The following PLAC1 variants were observed in gnomAD, a reference collection of about 807,000 sequenced individuals.
PLAC1 encodes the protein placenta-specific protein 1.
For missense variants in PLAC1, 136 were observed against 163.2 expected (o/e 0.83, Z 0.91); for synonymous variants, 68 against 62.1 (o/e 1.09, Z -0.44).
chrX:134,581,602 C>A (rs1293238810), intron 2 of PLAC1, among the ~76,000 whole-genome samples: 1 of 107,533 alleles, frequency 9.3e-6, no homozygotes, highest in Admixed American at 1.0e-4. Flanking sequence ...CCTCAGCCCC[C>A]CGAGTAGCTG....
intron 1 of PLAC1, among the ~76,000 whole-genome samples, chrX:134,753,419 A>G (rs1005719718): frequency 9.0e-6 from 1 of 111,251 alleles, no homozygotes; most frequent in Non-Finnish European, 1.9e-5. Context: ...AGCTGGAATC[A>G]TCAGTTTTAA....
chrX:134,585,545 T>TA (rs768103901), intron 2 of PLAC1, among the ~76,000 whole-genome samples: 2 of 109,399 alleles, frequency 1.8e-5, no homozygotes, highest in Non-Finnish European at 3.8e-5. Flanking sequence ...TTGTTTAAGT[T>TA]AAAAAAAATA....
intron 1 of PLAC1, among the ~76,000 whole-genome samples, chrX:134,743,299 C>T (rs1040463582): frequency 1.8e-5 from 2 of 111,975 alleles, no homozygotes; most frequent in Admixed American, 9.4e-5. Context: ...TATGACATTC[C>T]GGCCAAATGT....
intron 1 of PLAC1, among the ~76,000 whole-genome samples, chrX:134,629,665 T>C (rs2078251153): frequency 8.9e-6 from 1 of 111,983 alleles, no homozygotes. Flanking sequence ...TACATGTGGT[T>C]GGGACATGAG....
chrX:134,753,235 T>A (rs1232432777), intron 1 of PLAC1, among the ~76,000 whole-genome samples: 8 of 111,384 alleles, frequency 7.2e-5, no homozygotes, highest in Non-Finnish European at 1.5e-4. Context: ...CAGATTTGTG[T>A]CGTGGCCCGA....
At chrX:134,637,465 A>C (rs1391097133) in intron 1 of PLAC1, among the ~76,000 whole-genome samples, 1 of 111,917 alleles carries the variant, frequency 8.9e-6, no homozygotes, top group Non-Finnish European at 1.9e-5. Flanking sequence ...CACTATCGTC[A>C]CCATAACTTG....
At chrX:134,597,598 A>G in intron 2 of PLAC1, among the ~76,000 whole-genome samples, 1 of 111,899 alleles carries the variant, frequency 8.9e-6, no homozygotes, top group South Asian at 3.7e-4. Flanking sequence ...GATCTTATTT[A>G]AACCTTAGGT....
chrX:134,640,191 A>T (rs2078301797), intron 1 of PLAC1, among the ~76,000 whole-genome samples: 1 of 112,175 alleles, frequency 8.9e-6, no homozygotes, highest in Non-Finnish European at 1.9e-5. Flanking sequence ...ACCTTCAAGG[A>T]TGAATAAACA....
chrX:134,730,593 C>T (rs371679342), intron 2 of PLAC1, among the ~76,000 whole-genome samples: 8 of 110,838 alleles, frequency 7.2e-5, no homozygotes, highest in Middle Eastern at 4.6e-3. Context: ...TATAGTTGTG[C>T]GCCACTATGC....
chrX:134,689,280 C>T (rs2078528558), intron 2 of PLAC1, among the ~76,000 whole-genome samples: 1 of 112,003 alleles, frequency 8.9e-6, no homozygotes, highest in Non-Finnish European at 1.9e-5. Flanking sequence ...ACAAGGGCTG[C>T]CTATTGTTTA....
Position 134,726,800 on chromosome X carries a change from C to T in PLAC1, n.174+6635G>A, listed in dbSNP as rs756814279. ...ATCACACCACTGCATTCCAGCCTTG[C>T]GACAGAGCAAGACTCTGTCTCAAAA... On this transcript the variant is annotated intron_variant and non_coding_transcript_variant, in intron 2 of 2. Transcript: ENST00000466797. Among the ~76,000 whole-genome samples, 11 of 78,168 alleles carry T rather than the reference C, an allele frequency of 1.4e-4. No individual in the cohort carries two copies. In the South Asian group the frequency reaches 8.2e-3, roughly 58 times the overall value. The allele number at this position is 78,168 out of a possible 115,157, so 67.9% of individuals were successfully genotyped here. A position where few individuals can be genotyped will look rare whatever the true frequency, so the allele number is the denominator to read the frequency against.
chrX:134,649,455 G>A (rs949178008), intron 1 of PLAC1, among the ~76,000 whole-genome samples: 16 of 110,241 alleles, frequency 1.5e-4, no homozygotes, highest in African/African-American at 4.6e-4. Flanking sequence ...ATGTCATGTC[G>A]GGAGCTTGAA....
chrX:134,639,671 A>G (rs758604614), intron 1 of PLAC1, among the ~76,000 whole-genome samples: 9 of 112,339 alleles, frequency 8.0e-5, no homozygotes, highest in Non-Finnish European at 1.9e-5. Context: ...CATCACCTCT[A>G]TCTAGTTCCA....
At chrX:134,673,997 C>G (rs1300815161) in intron 2 of PLAC1, among the ~76,000 whole-genome samples, 1 of 112,907 alleles carries the variant, frequency 8.9e-6, no homozygotes, top group African/African-American at 3.2e-5. Flanking sequence ...TTTCTAAAGC[C>G]TACCACCCTT....
At chrX:134,660,367 A>G (rs772903509), upstream of PLAC1, among the ~76,000 whole-genome samples, 14 of 112,091 alleles carry the variant, frequency 1.2e-4, no homozygotes, top group Admixed American at 1.9e-4. Flanking sequence ...CAGCCTCCCA[A>G]AGTGCTGGGA....
At chrX:134,740,178 G>A (rs528439154) in intron 1 of PLAC1, among the ~76,000 whole-genome samples, 6 of 110,040 alleles carry the variant, frequency 5.5e-5, no homozygotes, top group South Asian at 8.1e-4. Flanking sequence ...TTAGCCGGGC[G>A]TGGTGGTGCA....
intron 1 of PLAC1, among the ~76,000 whole-genome samples, chrX:134,759,836 T>C (rs750217188): frequency 4.5e-5 from 5 of 112,200 alleles, no homozygotes; most frequent in Non-Finnish European, 9.4e-5. Context: ...ATATTGAATG[T>C]TCTTACTTAT....
chrX:134,706,072 G>C (rs1343267741), intron 2 of PLAC1, among the ~76,000 whole-genome samples: 1 of 111,739 alleles, frequency 8.9e-6, no homozygotes, highest in African/African-American at 3.3e-5. Flanking sequence ...ATACCAACAA[G>C]CACAGACAAA....
At chrX:134,645,948 G>A (rs192630585) in intron 1 of PLAC1, among the ~76,000 whole-genome samples, 1 of 111,659 alleles carries the variant, frequency 9.0e-6, no homozygotes. Flanking sequence ...CATACGGTTG[G>A]ACCAGGCCAG....
Sources: allele counts gnomAD v4.1 joint callset (sites outside exome capture counted in the v4.1 genomes callset), GRCh38; gene constraint gnomAD v4.1.1; transcripts MANE v1.5; gene names NCBI Gene and HGNC (gene_info 2026-07-23, HGNC 2026-07-21).